ACSBG1: variants seen among roughly 807,000 people sequenced by gnomAD.
ACSBG1 encodes long-chain-fatty-acid--CoA ligase ACSBG1.
A neutral mutation model predicts 80.2 loss-of-function variants in ACSBG1; 39 were observed. The ratio of observed to expected loss-of-function variants is 0.49; its 90% CI spans 0.38 to 0.64. The LOEUF is 0.64. Ranked by LOEUF, ACSBG1 falls within the 30% of genes least tolerant of loss-of-function variation. The pLI, the probability that ACSBG1 is intolerant of heterozygous loss-of-function variation, is 0.00. For synonymous variants in ACSBG1, 392 were observed against 379.5 expected (o/e 1.03, Z -0.38); for missense variants, 828 against 966.4 (o/e 0.86, Z 1.90).
intron 1 of ACSBG1, among the ~76,000 whole-genome samples, chr15:78,215,631 G>A (rs1465503901): frequency 3.3e-5 from 5 of 151,302 alleles, no homozygotes; most frequent in Admixed American, 1.3e-4. Context: ...ACTCCAGCCT[G>A]GGCAACAAGA....
intron 1 of ACSBG1, chr15:78,212,516 G>A (rs1201951380): frequency 2.2e-6 from 1 of 455,244 alleles, no homozygotes; most frequent in South Asian, 1.6e-5. Flanking sequence ...TGCGGGGCAG[G>A]AGGCGGGGGA....
chr15:78,228,163 C>T (rs1048098141), intron 1 of ACSBG1, among the ~76,000 whole-genome samples: 2 of 152,142 alleles, frequency 1.3e-5, no homozygotes, highest in African/African-American at 2.4e-5. Context: ...AAGCACCTTC[C>T]CAGCCCTGTT....
At position 78,183,298 on chromosome 15, in the gene ACSBG1, C is replaced by T. The variant is rs142015773; in HGVS notation, c.664-513G>A. Among the ~76,000 whole-genome samples the T allele has an allele frequency of 8.5e-5, 13 of 152,256 alleles. 1 individual carries two copies. The East Asian group carries it at 1.5e-3, about 18-fold the overall frequency. The stretch of plus-strand genomic sequence containing the variant: ...TTTACTTATGTTTACAAAAAGAGGC[C>T]GGGTGTGGTGGCTCACGCCTGTAAT... On this transcript the variant is annotated intron_variant, in intron 5 of 13. Transcript: ENST00000258873.
In ACSBG1 at chr15:78,174,411, A is replaced by G; in HGVS notation, c.1816T>C (p.Phe606Leu). ...TTCAAGGTGAGCAGCATGGACAGGA[A>G]CTTCCTCTGGTCCCCAATGAGCATG... is the stretch of plus-strand genomic sequence containing the variant. ...NAMLIGDQRK[F>L]LSMLLTLKCT... Residue 606 changes from phenylalanine to leucine, a missense_variant, in exon 12 of 14, where the codon TTC becomes CTC. Around this residue, in one of 3 missense-constraint regions of ACSBG1, gnomAD observed 201 missense variants for 227.0 expected, o/e 0.89. Transcript: ENST00000258873. 1 of 1,614,146 alleles carries G rather than the reference A, an allele frequency of 6.2e-7. No individual in the cohort carries two copies.
chr15:78,171,650 C>T (rs1386751295), intron 13 of ACSBG1, 121 bp from the exon 14 acceptor site: 4 of 750,380 alleles, frequency 5.3e-6, no homozygotes, highest in Non-Finnish European at 8.9e-6. Flanking sequence ...ATAATCAGGA[C>T]CGTCAGTAGC....
At chr15:78,179,285 G>T (rs371714586) in intron 10 of ACSBG1, among the ~76,000 whole-genome samples, 1 of 152,188 alleles carries the variant, frequency 6.6e-6, no homozygotes, top group African/African-American at 2.4e-5. Flanking sequence ...CATAGGTTCA[G>T]GGGGCACCTG....
At chr15:78,196,062 T>C (rs1433637154) in intron 2 of ACSBG1, among the ~76,000 whole-genome samples, 1 of 152,142 alleles carries the variant, frequency 6.6e-6, no homozygotes, top group Non-Finnish European at 1.5e-5. Flanking sequence ...CCAAACGGGA[T>C]ACATGGCAGC....
chr15:78,175,325 A>G (rs1323762538), intron 11 of ACSBG1, among the ~76,000 whole-genome samples: 1 of 152,250 alleles, frequency 6.6e-6, no homozygotes, highest in Non-Finnish European at 1.5e-5. Flanking sequence ...CCTCATTTCT[A>G]TCTAATTCAA....
intron 2 of ACSBG1, among the ~76,000 whole-genome samples, chr15:78,203,441 G>A (rs906382160): frequency 3.3e-5 from 5 of 152,200 alleles, no homozygotes; most frequent in African/African-American, 1.2e-4. Flanking sequence ...CACACTGCCC[G>A]CCCACCAAGT....
Position 78,180,842 on chromosome 15 carries a change from A to G in ACSBG1, c.1166T>C (p.Val389Ala), listed in dbSNP as rs2074935232. ...WEKIMERIQE[V>A]AAQSGFIRRK... ...CCGGATGAAGCCAGACTGAGCCGCC[A>G]CCTCCTGGATGCGCTCCATGATCTT... The change falls in exon 9 of 14, where the codon GTG (valine) becomes GCG (alanine). Residue 389 changes from valine (V) to alanine (A), a missense_variant. Transcript: ENST00000258873. 3 of 1,614,016 alleles carry G rather than the reference A, an allele frequency of 1.9e-6. No individual in the cohort carries two copies. The highest frequency in any genetic ancestry group is 2.5e-6 in the Non-Finnish European group (3 of 1,179,994).
intron 4 of ACSBG1, 42 bp from the exon 5 acceptor site, chr15:78,193,668 AG>A (rs1235553210): frequency 6.3e-7 from 1 of 1,590,546 alleles, no homozygotes; most frequent in Non-Finnish European, 8.6e-7. Context: ...GGAGGTGCAG[AG>A]GGGCCACCCC....
At position 78,167,848 on chromosome 15, in the gene ACSBG1, A is replaced by G. The variant is rs931620264; in HGVS notation, c.*3596T>C. 4.6e-5 allele frequency: 7 copies of G among 152,240 alleles called. No homozygotes were observed. Among genetic ancestry groups the G allele is most frequent in the Admixed American group, 1.3e-4 (2 of 15,290 alleles). 9.4% of individuals were successfully genotyped at this position (152,240 alleles called of 1,614,324 possible). A position where few individuals can be genotyped will look rare whatever the true frequency, so the allele number is the denominator to read the frequency against. On this transcript the variant is annotated 3_prime_UTR_variant, in exon 14 of 14. Coordinates refer to ENST00000258873, the MANE Select transcript of ACSBG1 (RefSeq NM_015162.5). ...TAAAAAAATTCTGTAATTTGAAATTATATCGTGTGGCCAAAATACAAGAAA... is the reference window on the plus strand; with the variant it reads ...TAAAAAAATTCTGTAATTTGAAATTGTATCGTGTGGCCAAAATACAAGAAA...
chr15:78,173,618 G>C lies in ACSBG1; in HGVS notation c.2064C>G (p.Asp688Glu), dbSNP rs1567077048. 1 of 1,614,202 alleles carries C rather than the reference G, an allele frequency of 6.2e-7. No individual in the cohort carries two copies. The highest frequency in any genetic ancestry group is 2.2e-5 in the East Asian group (1 of 44,878). ...HIQKWAILER[D>E]FSISGGELGP... ...CCAACTCTCCACCCGAAATGGAGAA[G>C]TCTCTCTCGAGAATGGCCCACTTCT... The change falls in exon 13 of 14, where the codon GAC becomes GAG. Residue 688 changes from aspartate (D) to glutamate (E), a missense_variant. Around this residue, in one of 3 missense-constraint regions of ACSBG1, gnomAD observed 201 missense variants for 227.0 expected, o/e 0.89. Coordinates refer to ENST00000258873, the MANE Select transcript of ACSBG1 (RefSeq NM_015162.5).
intron 1 of ACSBG1, among the ~76,000 whole-genome samples, chr15:78,226,196 T>C (rs1210105061): frequency 6.6e-6 from 1 of 152,168 alleles, no homozygotes; most frequent in Non-Finnish European, 1.5e-5. Flanking sequence ...GACTACAGGG[T>C]TATTTTTATG....
intron 1 of ACSBG1, among the ~76,000 whole-genome samples, chr15:78,220,001 A>C (rs2075348169): frequency 6.6e-6 from 1 of 152,090 alleles, no homozygotes; most frequent in African/African-American, 2.4e-5. Flanking sequence ...CAAACAAACA[A>C]ACAAAAAATT....
rs773455839 is a variant in ACSBG1 at position 78,179,784 on chromosome 15, G to A, written c.1254-4C>T. The A allele has an allele frequency of 1.2e-6, 2 of 1,608,500 alleles. No individual in the cohort carries two copies. The highest frequency in any genetic ancestry group is 2.2e-5 in the South Asian group (2 of 90,848). On this transcript the variant is annotated splice_polypyrimidine_tract_variant and splice_region_variant and intron_variant, in intron 9 of 13. Transcript: ENST00000258873. ...GGTTGTGAAGGGCTTCAGGTCGCTGGTGGGAGAGGGAGAATGGTTCACAGA... is the reference window on the plus strand; with the variant it reads ...GGTTGTGAAGGGCTTCAGGTCGCTGATGGGAGAGGGAGAATGGTTCACAGA...
intron 5 of ACSBG1, among the ~76,000 whole-genome samples, chr15:78,187,835 C>T (rs1434615906): frequency 2.0e-5 from 3 of 152,084 alleles, no homozygotes; most frequent in Admixed American, 1.3e-4. Context: ...GGCAATTAGG[C>T]AGGAGAAGGA....
chr15:78,179,827 A>ACC (rs1438381382), intron 9 of ACSBG1, 47 bp from the exon 10 acceptor site: 5 of 1,297,380 alleles, frequency 3.9e-6, no homozygotes, highest in Middle Eastern at 5.2e-4. Flanking sequence ...ACACACACAC[A>ACC]CACACACACA....
At chr15:78,203,029 G>C (rs773058111) in intron 2 of ACSBG1, among the ~76,000 whole-genome samples, 5 of 152,190 alleles carry the variant, frequency 3.3e-5, no homozygotes, top group Non-Finnish European at 5.9e-5. Flanking sequence ...AATGTTCACA[G>C]TATAACATCA....
Sources: gnomAD v4.1 joint callset for allele counts (sites outside exome capture counted in the v4.1 genomes callset) on GRCh38, gnomAD v4.1.1 for gene constraint, gnomAD v4.1.1 regional missense constraint, MANE v1.5 for transcripts, NCBI Gene and HGNC (gene_info 2026-07-23, HGNC 2026-07-21) for gene names.